CFAP61: variants seen among roughly 807,000 people sequenced by gnomAD.
CFAP61 encodes cilia- and flagella-associated protein 61.
CFAP61 carries 107 observed loss-of-function variants against 135.6 expected under a neutral mutation model. The ratio of observed to expected loss-of-function variants is 0.79; its 90% CI spans 0.67 to 0.93. The LOEUF is 0.93. Ranked by LOEUF, CFAP61 falls within the 40% of genes least tolerant of loss-of-function variation. The pLI, the probability that CFAP61 is intolerant of heterozygous loss-of-function variation, is 0.00. For missense variants in CFAP61, 1,507 were observed against 1,556.2 expected (o/e 0.97, Z 0.53); for synonymous variants, 575 against 578.5 (o/e 0.99, Z 0.09).
intron 21 of CFAP61, among the ~76,000 whole-genome samples, chr20:20,276,455 A>G (rs1017313934): frequency 2.6e-5 from 4 of 152,250 alleles, no homozygotes; most frequent in Admixed American, 2.0e-4. Context: ...GTAGAATAGC[A>G]TATGTAATTG....
intron 21 of CFAP61, among the ~76,000 whole-genome samples, chr20:20,276,818 T>C (rs550224683): frequency 6.6e-6 from 1 of 152,354 alleles, no homozygotes; most frequent in African/African-American, 2.4e-5. Context: ...CTAGTATACA[T>C]TGCCAACATT....
chr20:20,266,984 T>C (rs75916012), intron 21 of CFAP61, among the ~76,000 whole-genome samples: 2,164 of 152,226 alleles, frequency 0.014, 49 homozygotes, highest in African/African-American at 0.049. Context: ...GAATTAAAGG[T>C]ACCCTAGAGT....
At chr20:20,084,990 T>C in intron 6 of CFAP61, 1 of 381,638 alleles carries the variant, frequency 2.6e-6, no homozygotes, top group Non-Finnish European at 3.6e-6. Flanking sequence ...TATTGTATAA[T>C]TGATGACGTT....
At chr20:20,298,072 A>G (rs1223045764) in intron 24 of CFAP61, 109 bp from the exon 25 acceptor site, 6 of 725,174 alleles carry the variant, frequency 8.3e-6, no homozygotes, top group African/African-American at 5.3e-5. Context: ...GCAAAGAGGG[A>G]TAAGATATAA....
chr20:20,202,071 TA>T (rs1245174747), intron 17 of CFAP61, among the ~76,000 whole-genome samples: 1 of 152,154 alleles, frequency 6.6e-6, no homozygotes, highest in Non-Finnish European at 1.5e-5. Context: ...TTATTTCATT[TA>T]AAATTATCTT....
chr20:20,298,502 C>A, intron 25 of CFAP61, 116 bp downstream of exon 25: 2 of 835,464 alleles, frequency 2.4e-6, no homozygotes, highest in Non-Finnish European at 3.8e-6. Context: ...CAGAGAGAGG[C>A]TGTGTGGCAG....
intron 25 of CFAP61, among the ~76,000 whole-genome samples, chr20:20,307,799 T>C (rs1315936947): frequency 1.3e-5 from 2 of 152,192 alleles, no homozygotes; most frequent in Non-Finnish European, 2.9e-5. Flanking sequence ...TTAGAATAAA[T>C]GTACTAAGAT....
At chr20:20,257,412 C>G (rs972252252) in intron 20 of CFAP61, among the ~76,000 whole-genome samples, 1 of 151,984 alleles carries the variant, frequency 6.6e-6, no homozygotes, top group African/African-American at 2.4e-5. Context: ...GTCAGGAGTT[C>G]GAGACCAGCC....
At chr20:20,201,073 G>A (rs1330902572) in intron 17 of CFAP61, 4 of 552,890 alleles carry the variant, frequency 7.2e-6, no homozygotes, top group South Asian at 7.9e-5. Context: ...TTTAATTAAT[G>A]TGCAATTAGT....
chr20:20,270,088 A>G (rs917688760), intron 21 of CFAP61, among the ~76,000 whole-genome samples: 1 of 152,254 alleles, frequency 6.6e-6, no homozygotes, highest in Non-Finnish European at 1.5e-5. Context: ...GTAAATATGC[A>G]TAGACATAAT....
chr20:20,292,664 C>G (rs903328410), intron 24 of CFAP61, among the ~76,000 whole-genome samples: 3 of 152,156 alleles, frequency 2.0e-5, no homozygotes, highest in Non-Finnish European at 1.5e-5. Context: ...GCTGGGATGA[C>G]TCAAGGACCG....
At position 20,329,791 on chromosome 20, in the gene CFAP61, G is replaced by A. The variant is rs150143430; in HGVS notation, c.3423-12040G>A. 6.7e-3 allele frequency among the ~76,000 whole-genome samples: 1,024 copies of A among 152,320 alleles called. 8 individuals carry two copies. Among genetic ancestry groups the A allele is most frequent in the Non-Finnish European group, 9.6e-3 (653 of 68,030 alleles). On this transcript the variant is annotated intron_variant, in intron 25 of 26. Transcript: ENST00000245957. ...TGTGCCTCCACGCTTTCCCGGGCCT[G>A]GTTTCCCTTGCAAACACCGACTCCT...
chr20:20,235,472 C>T (rs2049515211), intron 18 of CFAP61, among the ~76,000 whole-genome samples: 2 of 152,226 alleles, frequency 1.3e-5, no homozygotes, highest in African/African-American at 2.4e-5. Flanking sequence ...TGCAGGGACA[C>T]ACTCGGCCAA....
At chr20:20,130,309 A>T (rs1244053267) in intron 8 of CFAP61, among the ~76,000 whole-genome samples, 1 of 151,586 alleles carries the variant, frequency 6.6e-6, no homozygotes, top group Non-Finnish European at 1.5e-5. Context: ...AAAAAAGATC[A>T]CTGAGTTTCC....
chr20:20,076,423 A>G (rs2046054523), intron 6 of CFAP61, among the ~76,000 whole-genome samples: 1 of 152,166 alleles, frequency 6.6e-6, no homozygotes, highest in Non-Finnish European at 1.5e-5. Context: ...TGAATGAGCC[A>G]TTGTGGACAC....
rs554952666 is a variant in CFAP61, at chr20:20,203,705, T to G, written c.1932+3803T>G. Among the ~76,000 whole-genome samples the G allele has an allele frequency of 2.6e-5, 4 of 152,300 alleles. No homozygotes were observed. The East Asian group carries it at 7.7e-4, about 29-fold the overall frequency. Reference sequence around the variant, plus strand: ...TTAAAGACAGCCGAACAAGCTGCCTTACACTTATTTTGAGGGTGGGTCTAC... The same window carrying G: ...TTAAAGACAGCCGAACAAGCTGCCTGACACTTATTTTGAGGGTGGGTCTAC... On this transcript the variant is annotated intron_variant, in intron 17 of 26. Transcript: ENST00000245957.
intron 12 of CFAP61, among the ~76,000 whole-genome samples, chr20:20,169,067 A>G (rs1490172807): frequency 6.6e-6 from 1 of 152,186 alleles, no homozygotes; most frequent in Non-Finnish European, 1.5e-5. Context: ...GTTATGCTGA[A>G]TGACTGCCAT....
At chr20:20,284,536 C>T (rs6132283) in intron 22 of CFAP61, among the ~76,000 whole-genome samples, 6,606 of 152,226 alleles carry the variant, frequency 0.043, 230 homozygotes, top group South Asian at 0.13. Flanking sequence ...CCGCCTGCCT[C>T]AGCCTCCCAA....
chr20:20,320,385 A>C (rs1422766799), intron 25 of CFAP61, among the ~76,000 whole-genome samples: 2 of 18,480 alleles, frequency 1.1e-4, no homozygotes, highest in African/African-American at 5.9e-4. Flanking sequence ...ATATATATGT[A>C]ATATATATAA....
Sources: allele counts gnomAD v4.1 joint callset (sites outside exome capture counted in the v4.1 genomes callset), GRCh38; gene constraint gnomAD v4.1.1; transcripts MANE v1.5; gene names NCBI Gene and HGNC (gene_info 2026-07-23, HGNC 2026-07-21).